Variants in XKR9 observed in about 807,000 individuals in gnomAD.
The protein encoded by XKR9 is XK-related protein 9.
A neutral mutation model predicts 32.0 loss-of-function variants in XKR9; 32 were observed. The ratio of observed to expected loss-of-function variants is 1.00; its 90% CI spans 0.76 to 1.34. The LOEUF is 1.34. XKR9 is among the 40% of genes most tolerant of loss of function. The pLI is 0.00. For missense variants in XKR9, 546 were observed against 429.7 expected, an observed-to-expected ratio of 1.27 and a Z score of -2.39; for synonymous variants, 168 against 143.4, an observed-to-expected ratio of 1.17 and a Z score of -1.22.
chr8:70,676,315 A>G (rs1176749869), intron 2 of XKR9, among the ~76,000 whole-genome samples: 2 of 152,186 alleles, frequency 1.3e-5, no homozygotes, highest in African/African-American at 4.8e-5. Context: ...AACATGGGGG[A>G]TTACAATTCA....
chr8:70,911,117 T>A, the XKR9 span, among the ~76,000 whole-genome samples: 2 of 152,226 alleles, frequency 1.3e-5, no homozygotes, highest in Non-Finnish European at 2.9e-5. Flanking sequence ...CTTTATGACA[T>A]GTCTGCAGTG....
At chr8:70,807,796 T>C in the XKR9 span, among the ~76,000 whole-genome samples, 1 of 152,086 alleles carries the variant, frequency 6.6e-6, no homozygotes, top group Non-Finnish European at 1.5e-5. Flanking sequence ...AGACCTAGAC[T>C]CCCACACAAT....
the XKR9 span, among the ~76,000 whole-genome samples, chr8:70,949,704 C>T: frequency 6.6e-6 from 1 of 151,842 alleles, no homozygotes; most frequent in Non-Finnish European, 1.5e-5. Context: ...GGGGATGAGT[C>T]TCAGAGAGGG....
At chr8:70,699,405 T>G (rs1210653122) in intron 3 of XKR9, among the ~76,000 whole-genome samples, 1 of 152,084 alleles carries the variant, frequency 6.6e-6, no homozygotes, top group East Asian at 1.9e-4. Flanking sequence ...CAGCATTTGC[T>G]TGTCTGTAAA....
the XKR9 span, among the ~76,000 whole-genome samples, chr8:71,063,185 G>T: frequency 6.6e-6 from 1 of 152,172 alleles, no homozygotes; most frequent in Admixed American, 6.5e-5. Flanking sequence ...CAAACTGGAA[G>T]ATGATGATGA....
chr8:70,780,481 C>G (rs1463968228), intron 2 of XKR9, among the ~76,000 whole-genome samples: 1 of 151,922 alleles, frequency 6.6e-6, no homozygotes, highest in African/African-American at 2.4e-5. Flanking sequence ...ATTTTTTTGA[C>G]TTATGTACTA....
chr8:70,706,787 GT>G (rs781475745), intron 3 of XKR9, 145 bp from the exon 4 acceptor site: 7 of 651,974 alleles, frequency 1.1e-5, no homozygotes, highest in African/African-American at 1.8e-5. Flanking sequence ...ACTATGAGAT[GT>G]TCACAAAAAA....
chr8:70,694,825 C>CT (rs1016442980), intron 3 of XKR9, among the ~76,000 whole-genome samples: 1 of 152,204 alleles, frequency 6.6e-6, no homozygotes, highest in Admixed American at 6.5e-5. Context: ...GTACAGGAGT[C>CT]TAACATCCTA....
chr8:70,758,155 C>T (rs968312322), intron 2 of XKR9, among the ~76,000 whole-genome samples: 8 of 151,972 alleles, frequency 5.3e-5, no homozygotes, highest in Non-Finnish European at 1.0e-4. Flanking sequence ...AAAGTCTCTC[C>T]CTTGTTCTCT....
intron 3 of XKR9, among the ~76,000 whole-genome samples, chr8:70,700,936 A>C (rs2132161091): frequency 6.6e-6 from 1 of 152,288 alleles, no homozygotes; most frequent in South Asian, 2.1e-4. Context: ...GTTTGATCTC[A>C]GACTGCTGTG....
At chr8:70,812,537 A>G in the XKR9 span, among the ~76,000 whole-genome samples, 11,037 of 152,284 alleles carry the variant, frequency 0.072, 473 homozygotes, top group Non-Finnish European at 0.089. Flanking sequence ...GTATATCTAG[A>G]AAACCCCATC....
At chr8:71,029,216 G>A in the XKR9 span, among the ~76,000 whole-genome samples, 86,405 of 151,922 alleles carry the variant, frequency 0.57, 25,643 homozygotes, top group African/African-American at 0.64. Flanking sequence ...AATATAAAAT[G>A]TTCATTTACT....
At chr8:70,807,498 T>G in the XKR9 span, among the ~76,000 whole-genome samples, 1 of 152,122 alleles carries the variant, frequency 6.6e-6, no homozygotes, top group African/African-American at 2.4e-5. Flanking sequence ...GGCCCATTGG[T>G]GTGCTGAATC....
chr8:70,722,844 CT>C (rs1248198832), intron 4 of XKR9, among the ~76,000 whole-genome samples: 9 of 151,930 alleles, frequency 5.9e-5, no homozygotes, highest in Non-Finnish European at 2.9e-5. Context: ...GTTGGCCTGT[CT>C]TGCTAGGTTG....
the XKR9 span, among the ~76,000 whole-genome samples, chr8:70,817,481 A>G: frequency 3.3e-3 from 507 of 152,296 alleles, 5 homozygotes; most frequent in African/African-American, 0.011. Flanking sequence ...CACAGATAAT[A>G]CAAACAAATG....
the XKR9 span, among the ~76,000 whole-genome samples, chr8:70,829,593 C>T: frequency 3.9e-5 from 6 of 152,128 alleles, no homozygotes; most frequent in Non-Finnish European, 8.8e-5. Context: ...GGACTACAGG[C>T]GCCCGCTACC....
intron 4 of XKR9, among the ~76,000 whole-genome samples, chr8:70,724,580 A>G (rs1312268582): frequency 6.6e-6 from 1 of 152,174 alleles, no homozygotes; most frequent in Non-Finnish European, 1.5e-5. Flanking sequence ...AAAGCATAGT[A>G]TCTGGGCCTG....
chr8:71,015,444 T>C, the XKR9 span, among the ~76,000 whole-genome samples: 5 of 152,214 alleles, frequency 3.3e-5, no homozygotes, highest in African/African-American at 1.2e-4. Flanking sequence ...ATTAGATGTT[T>C]TTTGACAGAG....
the XKR9 span, among the ~76,000 whole-genome samples, chr8:70,886,051 C>T: frequency 6.6e-6 from 1 of 152,204 alleles, no homozygotes; most frequent in Non-Finnish European, 1.5e-5. Flanking sequence ...GTCCCCTACC[C>T]CCGCACAGGC....
Sources: allele counts gnomAD v4.1 joint callset (sites outside exome capture counted in the v4.1 genomes callset), GRCh38; gene constraint gnomAD v4.1.1; transcripts MANE v1.5; gene names NCBI Gene and HGNC (gene_info 2026-07-23, HGNC 2026-07-21).